Variants in LRGUK observed in about 807,000 individuals in gnomAD.
The protein encoded by LRGUK is leucine-rich repeat and guanylate kinase domain-containing protein.
A neutral mutation model predicts 76.0 loss-of-function variants in LRGUK; 65 were observed. The observed-to-expected ratio is 0.85, with a 90% CI of 0.70 to 1.05. LRGUK has a LOEUF of 1.05. Among genes scored for constraint, LRGUK ranks in the 50% least tolerant of loss-of-function variants. The pLI, the probability that LRGUK is intolerant of heterozygous loss-of-function variation, is 0.00. For missense variants in LRGUK, 758 were observed against 732.8 expected, an observed-to-expected ratio of 1.03 and a Z score of -0.40; for synonymous variants, 268 against 265.6, an observed-to-expected ratio of 1.01 and a Z score of -0.09.
intron 12 of LRGUK, among the ~76,000 whole-genome samples, chr7:134,194,531 T>C (rs1231939357): frequency 1.3e-5 from 2 of 151,998 alleles, no homozygotes; most frequent in Non-Finnish European, 1.5e-5. Context: ...TGCTTGAACC[T>C]AGGAGTTTGA....
chr7:134,153,221 A>G (rs964069727), intron 5 of LRGUK, among the ~76,000 whole-genome samples: 78 of 152,184 alleles, frequency 5.1e-4, no homozygotes, highest in Non-Finnish European at 9.9e-4. Context: ...AATTAAAAAA[A>G]TCAGTTGAGC....
downstream of LRGUK, among the ~76,000 whole-genome samples, chr7:134,212,757 G>T (rs185239441): frequency 6.6e-6 from 1 of 152,206 alleles, no homozygotes; most frequent in African/African-American, 2.4e-5. Context: ...TGCTAGATAA[G>T]GGGAAGTGAT....
rs1262371029 is a variant in LRGUK, at chr7:134,222,288, A to C, written c.1983+370A>C. ...TTTGAGTATTCTTGGGCTGAGCCTG[A>C]AAAGTGAGTCCACTCAAAGAGTCCG... On this transcript the variant is annotated intron_variant, in intron 16 of 19. Transcript: ENST00000285928. Among the ~76,000 whole-genome samples, 7 of 152,354 alleles carry C rather than the reference A, an allele frequency of 4.6e-5. No individual in the cohort carries two copies. The South Asian group carries it at 6.2e-4, about 14-fold the overall frequency.
At chr7:134,199,199 T>C in intron 13 of LRGUK, 21 bp from the exon 14 acceptor site, 1 of 1,602,992 alleles carries the variant, frequency 6.2e-7, no homozygotes, top group Non-Finnish European at 8.5e-7. Context: ...TCCAATTTAT[T>C]ATCTTCCTTT....
At chr7:134,183,641 C>T (rs965196097) in intron 10 of LRGUK, 93 bp from the exon 11 acceptor site, 48 of 1,446,700 alleles carry the variant, frequency 3.3e-5, no homozygotes, top group Non-Finnish European at 4.0e-5. Context: ...AGCAAGTGCT[C>T]ATTTAGCCAG....
intron 11 of LRGUK, among the ~76,000 whole-genome samples, chr7:134,184,573 C>G (rs1456609116): frequency 6.6e-6 from 1 of 151,960 alleles, no homozygotes; most frequent in African/African-American, 2.4e-5. Context: ...CTGACCGAAA[C>G]AAAATAATTT....
At chr7:134,190,948 T>TTCTGGGGATAGACAGTAGTTGAGCGG (rs1554467160) in intron 11 of LRGUK, among the ~76,000 whole-genome samples, 1 of 41,742 alleles carries the variant, frequency 2.4e-5, no homozygotes, top group African/African-American at 8.1e-5. Flanking sequence ...TTGAGCGGTG[T>TTCTGGGGATAGACAGTAGTTGAGCGG]GGTGGGATGG....
At chr7:134,252,369 A>AATTTAATTTAATTT (rs1563200827) in intron 18 of LRGUK, among the ~76,000 whole-genome samples, 3 of 148,638 alleles carry the variant, frequency 2.0e-5, no homozygotes, top group African/African-American at 7.7e-5. Context: ...AAATTAAATT[A>AATTTAATTTAATTT]AATTAAATTA....
intron 18 of LRGUK, among the ~76,000 whole-genome samples, chr7:134,256,690 C>G (rs1313171311): frequency 6.6e-6 from 1 of 152,152 alleles, no homozygotes; most frequent in Non-Finnish European, 1.5e-5. Flanking sequence ...CCCACCTTCC[C>G]CCTTTTCTAG....
At position 134,199,147 on chromosome 7, in the gene LRGUK, T is replaced by C. The variant is rs1261286318; in HGVS notation, c.1546-73T>C. The C allele has an allele frequency of 6.6e-6, 8 of 1,218,194 alleles. No homozygotes were observed. In the African/African-American group the frequency reaches 1.2e-4, roughly 18 times the overall value. The allele number at this position is 1,218,194 out of a possible 1,614,324, so 75.5% of individuals were successfully genotyped here. ...ATAATACTACTTCTTATACCCATGT[T>C]GTCAGATGGCTCCAAAATGATTTCT... On this transcript the variant is annotated intron_variant, in intron 13 of 15. Transcript: ENST00000645682.
chr7:134,166,456 A>T (rs1278512469), intron 7 of LRGUK, among the ~76,000 whole-genome samples: 1 of 152,118 alleles, frequency 6.6e-6, no homozygotes, highest in East Asian at 1.9e-4. Flanking sequence ...TAGAAGCAAG[A>T]TATCAGTCTG....
chr7:134,194,332 T>TA (rs1004762698), intron 12 of LRGUK, among the ~76,000 whole-genome samples: 3 of 151,908 alleles, frequency 2.0e-5, no homozygotes, highest in Non-Finnish European at 4.4e-5. Context: ...ACATAAACAA[T>TA]AAAAAAAACT....
At chr7:134,215,756 C>A (rs1482517405) in intron 15 of LRGUK, among the ~76,000 whole-genome samples, 1 of 152,072 alleles carries the variant, frequency 6.6e-6, no homozygotes, top group Admixed American at 6.6e-5. Context: ...TAGCACAGTA[C>A]GTCTGTAAAT....
rs1012080383 is a variant in LRGUK, at chr7:134,186,931, C to G, written c.1334+3078C>G. 2.6e-5 allele frequency among the ~76,000 whole-genome samples: 4 copies of G among 152,152 alleles called. 1 individual carries two copies. The highest frequency in any genetic ancestry group is 2.0e-4 in the Admixed American group (3 of 15,270). On this transcript the variant is annotated intron_variant, in intron 11 of 15. Coordinates refer to ENST00000645682, the Ensembl canonical transcript of LRGUK. ...AGTAGAAAGACACTCCTAACTGCCC[C>G]CCTCCCAACTACAAACTCATTCATC...
At chr7:134,216,298 G>A (rs1801435055) in intron 15 of LRGUK, among the ~76,000 whole-genome samples, 1 of 152,126 alleles carries the variant, frequency 6.6e-6, no homozygotes, top group African/African-American at 2.4e-5. Flanking sequence ...TTCAAACTGG[G>A]TGGAAATATT....
At chr7:134,156,065 A>G (rs958584760) in intron 5 of LRGUK, among the ~76,000 whole-genome samples, 12 of 152,240 alleles carry the variant, frequency 7.9e-5, no homozygotes, top group African/African-American at 2.7e-4. Context: ...CTATATCATA[A>G]TGAACTCTCT....
intron 18 of LRGUK, among the ~76,000 whole-genome samples, chr7:134,250,939 A>G (rs1412219854): frequency 6.6e-6 from 1 of 152,210 alleles, no homozygotes; most frequent in Non-Finnish European, 1.5e-5. Context: ...TAACTCCACC[A>G]CATTCTTTCT....
chr7:134,157,959 A>G (rs1006596354), intron 5 of LRGUK, 76 bp from the exon 6 acceptor site: 7 of 1,342,278 alleles, frequency 5.2e-6, no homozygotes, highest in Non-Finnish European at 7.3e-6. Flanking sequence ...TTGTCTAGTG[A>G]TGATTTAACA....
At chr7:134,211,118 G>A (rs1185979275), downstream of LRGUK, among the ~76,000 whole-genome samples, 1 of 152,226 alleles carries the variant, frequency 6.6e-6, no homozygotes, top group Admixed American at 6.5e-5. Context: ...GTTCAGCACT[G>A]TCCAAACCTT....
Sources: allele counts gnomAD v4.1 joint callset (sites outside exome capture counted in the v4.1 genomes callset), GRCh38; gene constraint gnomAD v4.1.1; transcripts MANE v1.5; gene names NCBI Gene and HGNC (gene_info 2026-07-23, HGNC 2026-07-21).